The following ZNF705B variants were observed in gnomAD, a reference collection of about 807,000 sequenced individuals.
ZNF705B encodes the protein Putative zinc finger protein 705D-like protein LOC100132396.
Under a neutral mutation model 10.5 loss-of-function variants are expected in ZNF705B, and 1 was observed. The ratio of observed to expected loss-of-function variants is 0.10; its 90% CI spans 0.03 to 0.45. ZNF705B has a LOEUF of 0.45. Among genes scored for constraint, ZNF705B ranks in the 20% least tolerant of loss-of-function variants. The pLI is 0.97. For synonymous variants in ZNF705B, 4 were observed against 25.4 expected (o/e 0.16, Z 2.53); for missense variants, 14 against 84.0 (o/e 0.17, Z 3.26).
chr8:7,950,117 A>T lies in ZNF705B; in HGVS notation c.224A>T (p.Asp75Val), dbSNP rs750312742. 5.7e-6 allele frequency: 5 copies of T among 875,384 alleles called. No individual in the cohort carries two copies. In the South Asian group the frequency reaches 8.9e-5, roughly 16 times the overall value. 54.2% of individuals were successfully genotyped at this position (875,384 alleles called of 1,614,324 possible). ...TGGGAAGGAAGAGTATTTCTTCAAGACCAGAATCCAGGTAAGCAACAGGGT... is the reference window on the plus strand; with the variant it reads ...TGGGAAGGAAGAGTATTTCTTCAAGTCCAGAATCCAGGTAAGCAACAGGGT... ...LWWEGRVFLQDQNPDRESALK... is the reference protein window; with the variant it reads ...LWWEGRVFLQVQNPDRESALK... The change falls in exon 5 of 7, where the codon GAC becomes GTC. Residue 75 changes from aspartate (D) to valine (V), a missense_variant. Coordinates refer to ENST00000400120, the MANE Select transcript of ZNF705B (RefSeq NM_001193630.1).
intron 2 of ZNF705B, among the ~76,000 whole-genome samples, chr8:7,934,052 T>C (rs1407637328): frequency 7.1e-6 from 1 of 140,548 alleles, no homozygotes. Context: ...ACGATTCTCC[T>C]GCTTCAGCCT....
chr8:7,941,374 G>C (rs1820159034), intron 2 of ZNF705B, among the ~76,000 whole-genome samples: 1 of 120,272 alleles, frequency 8.3e-6, no homozygotes, highest in African/African-American at 2.7e-5. Context: ...AAATTTTTGA[G>C]AAACCTTCAT....
At chr8:7,932,910 A>T (rs1360487096) in intron 2 of ZNF705B, among the ~76,000 whole-genome samples, 1 of 106,156 alleles carries the variant, frequency 9.4e-6, no homozygotes, top group Non-Finnish European at 2.3e-5. Context: ...GTCTAAATGG[A>T]GGAAAATTGT....
Position 7,936,457 on chromosome 8 carries a change from G to T in ZNF705B, c.-72+6021G>T, listed in dbSNP as rs1194547388. 1.1e-4 allele frequency among the ~76,000 whole-genome samples: 13 copies of T among 117,980 alleles called. 4 individuals are homozygous for T. In the Admixed American group the frequency reaches 1.3e-3, roughly 12 times the overall value. 77.4% of individuals were successfully genotyped at this position (117,980 alleles called of 152,430 possible). On this transcript the variant is annotated intron_variant, in intron 2 of 6. Transcript: ENST00000400120. Reference sequence around the variant, plus strand: ...CACAGTGGTATTCACAGTAGCAAAGGTATGGAATCAAACTAGGTGTTCATC... The same window carrying T: ...CACAGTGGTATTCACAGTAGCAAAGTTATGGAATCAAACTAGGTGTTCATC...
At chr8:7,930,774 T>A (rs1370899549) in intron 2 of ZNF705B, among the ~76,000 whole-genome samples, 1 of 114,458 alleles carries the variant, frequency 8.7e-6, no homozygotes, top group East Asian at 2.5e-4. Flanking sequence ...ACACTAATAC[T>A]AATAACAAAT....
At chr8:7,932,105 A>G (rs539883358) in intron 2 of ZNF705B, among the ~76,000 whole-genome samples, 2 of 120,796 alleles carry the variant, frequency 1.7e-5, no homozygotes, top group East Asian at 4.7e-4. Flanking sequence ...TGACCATCAC[A>G]TAGACTCCAG....
At chr8:7,928,993 C>T (rs1354699660) in intron 1 of ZNF705B, among the ~76,000 whole-genome samples, 1 of 117,802 alleles carries the variant, frequency 8.5e-6, no homozygotes, top group Non-Finnish European at 2.0e-5. Flanking sequence ...GTACAATGTA[C>T]TCTACTCAGG....
intron 2 of ZNF705B, among the ~76,000 whole-genome samples, chr8:7,936,343 T>A (rs1479439800): frequency 1.0e-4 from 12 of 119,784 alleles, no homozygotes; most frequent in African/African-American, 3.1e-4. Context: ...AATACAGAAC[T>A]ACCATTTGAC....
At chr8:7,932,240 G>A (rs1225722602) in intron 2 of ZNF705B, among the ~76,000 whole-genome samples, 1 of 121,116 alleles carries the variant, frequency 8.3e-6, no homozygotes, top group African/African-American at 2.5e-5. Context: ...CACCACACTG[G>A]AGAGCCTGTC....
chr8:7,935,822 C>A (rs1819998594), intron 2 of ZNF705B, among the ~76,000 whole-genome samples: 1 of 91,148 alleles, frequency 1.1e-5, no homozygotes, highest in Non-Finnish European at 2.9e-5. Context: ...GATCCCTGAG[C>A]TTTCCATCTC....
At chr8:7,931,972 GT>G (rs1166299229) in intron 2 of ZNF705B, among the ~76,000 whole-genome samples, 1 of 121,576 alleles carries the variant, frequency 8.2e-6, no homozygotes, top group Non-Finnish European at 2.0e-5. Context: ...TTCAGGGGCT[GT>G]TGGGCCCCAG....
chr8:7,937,029 A>T (rs1467422861), intron 2 of ZNF705B, among the ~76,000 whole-genome samples: 3 of 118,960 alleles, frequency 2.5e-5, no homozygotes, highest in Non-Finnish European at 6.0e-5. Context: ...TATTGTGGAC[A>T]CTATGTCTTT....
intron 1 of ZNF705B, among the ~76,000 whole-genome samples, chr8:7,927,020 A>T (rs901652175): frequency 2.5e-5 from 3 of 119,612 alleles, no homozygotes; most frequent in Non-Finnish European, 6.0e-5. Context: ...GTCAACTAAG[A>T]TACCACTTTC....
chr8:7,926,459 C>T (rs1473550353), intron 1 of ZNF705B, 62 bp downstream of exon 1: 2 of 118,124 alleles, frequency 1.7e-5, no homozygotes, highest in African/African-American at 5.2e-5. Flanking sequence ...AAGAGGCTTG[C>T]TTTCAGGGTG....
intron 2 of ZNF705B, among the ~76,000 whole-genome samples, chr8:7,931,322 T>G (rs1285495115): frequency 8.2e-6 from 1 of 121,716 alleles, no homozygotes; most frequent in Non-Finnish European, 2.0e-5. Flanking sequence ...AGAGTAGTCC[T>G]CAGGCTTTCA....
chr8:7,932,895 G>T (rs1202536038), intron 2 of ZNF705B, among the ~76,000 whole-genome samples: 1 of 105,342 alleles, frequency 9.5e-6, no homozygotes, highest in African/African-American at 2.7e-5. Flanking sequence ...AGCCACTAAA[G>T]TTGTGTCTAA....
chr8:7,935,913 C>A (rs1211227761), intron 2 of ZNF705B, among the ~76,000 whole-genome samples: 1 of 91,294 alleles, frequency 1.1e-5, no homozygotes, highest in African/African-American at 2.8e-5. Context: ...TGGCCCTTTG[C>A]AGCTGGAAGA....
intron 2 of ZNF705B, among the ~76,000 whole-genome samples, chr8:7,930,819 G>A (rs1203344790): frequency 9.0e-6 from 1 of 111,646 alleles, no homozygotes; most frequent in Admixed American, 1.1e-4. Context: ...AGACATCACG[G>A]CAAAGATGTG....
chr8:7,932,311 G>C lies in ZNF705B; in HGVS notation c.-72+1875G>C, dbSNP rs1211916992. On this transcript the variant is annotated intron_variant, in intron 2 of 6. Coordinates refer to ENST00000400120, the MANE Select transcript of ZNF705B (RefSeq NM_001193630.1). The stretch of plus-strand genomic sequence containing the variant: ...CATTTTCCTTTCCTTCCATGCCTCA[G>C]AGATTCCTCGTCAATTTGCTGCTGA... 1.7e-5 allele frequency among the ~76,000 whole-genome samples: 2 copies of C among 120,914 alleles called. 1 individual carries two copies. The highest frequency in any genetic ancestry group is 5.0e-5 in the African/African-American group (2 of 39,790). The allele number at this position is 120,914 out of a possible 152,430, so 79.3% of individuals were successfully genotyped here.
Sources: gnomAD v4.1 joint callset for allele counts (sites outside exome capture counted in the v4.1 genomes callset) on GRCh38, gnomAD v4.1.1 for gene constraint, MANE v1.5 for transcripts, NCBI Gene and HGNC (gene_info 2026-07-23, HGNC 2026-07-21) for gene names.